HOOK1: variants seen among roughly 807,000 people sequenced by gnomAD.
HOOK1 encodes the protein protein Hook homolog 1.
In HOOK1, 60 loss-of-function variants were observed where a neutral mutation model predicts 112.8. The ratio of observed to expected loss-of-function variants is 0.53; its 90% CI spans 0.43 to 0.66. The LOEUF (loss-of-function observed/expected upper bound fraction) is 0.66. Among genes scored for constraint, HOOK1 ranks in the 30% least tolerant of loss-of-function variants. The pLI is 0.00. For synonymous variants in HOOK1, 294 were observed against 283.8 expected (o/e 1.04, Z -0.36); for missense variants, 770 against 856.0 (o/e 0.90, Z 1.25).
intron 7 of HOOK1, among the ~76,000 whole-genome samples, chr1:59,837,737 G>A (rs1271613065): frequency 6.6e-6 from 1 of 152,070 alleles, no homozygotes; most frequent in Non-Finnish European, 1.5e-5. Context: ...GGTTACATGT[G>A]CAGAACATGA....
At position 59,872,952 on chromosome 1, in the gene HOOK1, C is replaced by T. The variant is rs1392161833; in HGVS notation, c.2174C>T (p.Thr725Ile). Residue 725 changes from threonine (T) to isoleucine (I), a missense_variant, in exon 22 of 22, where the codon ACA becomes ATA. Thr to Ile is a moderately conservative substitution (Grantham distance 89, BLOSUM62 -1). Coordinates refer to ENST00000371208, the MANE Select transcript of HOOK1 (RefSeq NM_015888.6). ...AATCTCTCTGTTAAAGTCCCTGCTA[C>T]AACATCTGATTAAACTGCAAAAAAA... ...RRNLSVKVPA[T>I]TSD is the part of the protein sequence containing the mutation. 6.7e-7 allele frequency: 1 copy of T among 1,486,966 alleles called. No individual in the cohort carries two copies. The highest frequency in any genetic ancestry group is 9.0e-7 in the Non-Finnish European group (1 of 1,109,036). The allele number at this position is 1,486,966 out of a possible 1,614,324, so 92.1% of individuals were successfully genotyped here. A position where few individuals can be genotyped will look rare whatever the true frequency, so the allele number is the denominator to read the frequency against.
At chr1:59,871,842 G>T (rs1051863001) in intron 21 of HOOK1, among the ~76,000 whole-genome samples, 1 of 152,232 alleles carries the variant, frequency 6.6e-6, no homozygotes. Flanking sequence ...CCTGAAACAT[G>T]GCTCATGCTT....
At position 59,860,304 on chromosome 1, in the gene HOOK1, T is replaced by C. The variant is rs892292288; in HGVS notation, c.1508T>C (p.Met503Thr). The change falls in exon 15 of 22, where the codon ATG (methionine) becomes ACG (threonine). Residue 503 changes from methionine (M) to threonine (T), a missense_variant. Physicochemically the swap from Met to Thr is moderately conservative, Grantham distance 81. Around this residue, in one of 3 missense-constraint regions of HOOK1, gnomAD observed 655 missense variants for 725.9 expected, o/e 0.90. Transcript: ENST00000371208. ...CAGCTAGAACAGAAACACCGTAAAA[T>C]GAATGAACTGGAAACTGAGCAGAGG... ...QEQLEQKHRK[M>T]NELETEQRLS... is the part of the protein sequence containing the mutation. 1.4e-5 allele frequency: 22 copies of C among 1,607,086 alleles called. No individual in the cohort carries two copies. Among genetic ancestry groups the C allele is most frequent in the Non-Finnish European group, 1.4e-5 (17 of 1,176,444 alleles).
chr1:59,816,779 CAG>C lies in HOOK1; in HGVS notation c.63+1602_63+1603del, dbSNP rs1262717556. Among the ~76,000 whole-genome samples, 6 of 152,312 alleles carry C rather than the reference CAG, an allele frequency of 3.9e-5. No homozygotes were observed. The East Asian group carries it at 1.2e-3, about 29-fold the overall frequency. On this transcript the variant is annotated intron_variant, in intron 1 of 21. Transcript: ENST00000371208. ...CCAAATGATAAGGAATCACAGATAA[CAG>C]AGTAAAATTGGTCGTTTTCTTCAGT...
Position 59,859,003 on chromosome 1 carries a change from G to A in HOOK1, c.1349G>A (p.Ser450Asn), listed in dbSNP as rs1442427915. Reference sequence around the variant, plus strand: ...TTTTTAGATGCATCTGCTACAAAAAGTTATGAGAATCTTGCTGCTGAGATT... The same window carrying A: ...TTTTTAGATGCATCTGCTACAAAAAATTATGAGAATCTTGCTGCTGAGATT... The part of the protein sequence containing the change: ...LNQTDASATK[S>N]YENLAAEIMP... The change falls in exon 14 of 22, where the codon AGT becomes AAT. Residue 450 changes from serine to asparagine, a missense_variant. Ser to Asn is a conservative substitution (Grantham distance 46, BLOSUM62 1). Coordinates refer to ENST00000371208, the MANE Select transcript of HOOK1 (RefSeq NM_015888.6). 1.3e-5 allele frequency: 21 copies of A among 1,576,346 alleles called. No individual in the cohort carries two copies. The highest frequency in any genetic ancestry group is 1.8e-5 in the Non-Finnish European group (21 of 1,149,756).
rs957097371 is a variant in HOOK1, at chr1:59,874,039, G to T, written c.*1074G>T. ...GAGGTGTTACTTTTGAACTTTTGGG[G>T]TCATTTTTAAAAGTTAGCACTTTTG... On this transcript the variant is annotated 3_prime_UTR_variant, in exon 22 of 22. Transcript: ENST00000371208. 2.6e-5 allele frequency: 4 copies of T among 151,680 alleles called. No individual in the cohort carries two copies. Among genetic ancestry groups the T allele is most frequent in the Non-Finnish European group, 1.5e-5 (1 of 67,902 alleles). The allele number at this position is 151,680 out of a possible 1,614,324, so 9.4% of individuals were successfully genotyped here.
At position 59,874,400 on chromosome 1, in the gene HOOK1, C is replaced by T. The variant is rs1559066352; in HGVS notation, c.*1435C>T. ...GAATTGTGACATAATTAGCATCTTA[C>T]ATTCCATACAGTTGAATACCTTATG... On this transcript the variant is annotated 3_prime_UTR_variant, in exon 22 of 22. Transcript: ENST00000371208. 6.6e-6 allele frequency: 1 copy of T among 152,198 alleles called. No homozygotes were observed. The highest frequency in any genetic ancestry group is 6.5e-5 in the Admixed American group (1 of 15,290). 9.4% of individuals were successfully genotyped at this position (152,198 alleles called of 1,614,324 possible).
chr1:59,848,872 A>G (rs909162336), intron 11 of HOOK1, among the ~76,000 whole-genome samples: 1 of 151,612 alleles, frequency 6.6e-6, no homozygotes, highest in Non-Finnish European at 1.5e-5. Flanking sequence ...TTCTTTGGCA[A>G]AACTATTATT....
intron 1 of HOOK1, among the ~76,000 whole-genome samples, chr1:59,819,890 G>C (rs912497908): frequency 6.6e-6 from 1 of 152,050 alleles, no homozygotes; most frequent in African/African-American, 2.4e-5. Context: ...TTCTTATTTT[G>C]TATTTTAAAT....
chr1:59,859,161 G>T (rs1265279539), intron 14 of HOOK1, 116 bp downstream of exon 14: 4 of 354,770 alleles, frequency 1.1e-5, no homozygotes, highest in Non-Finnish European at 2.0e-5. Context: ...GAAAATTACT[G>T]TTTGATCTAC....
chr1:59,821,901 A>C lies in HOOK1; in HGVS notation c.107A>C (p.Gln36Pro), dbSNP rs775292793. Residue 36 changes from glutamine to proline, a missense_variant, in exon 2 of 22, where the codon CAG becomes CCG. Transcript: ENST00000371208. The part of the protein sequence containing the change: ...NTASPCQDVK[Q>P]LTSGVAMAQV... ...GCCTCACCTTGTCAAGATGTCAAAC[A>C]GCTGACTAGTGGAGTTGCCATGGCA... The C allele has an allele frequency of 6.2e-7, 1 of 1,609,348 alleles. No individual in the cohort carries two copies. The highest frequency in any genetic ancestry group is 1.1e-5 in the South Asian group (1 of 90,328).
intron 8 of HOOK1, 23 bp from the exon 9 acceptor site, chr1:59,843,409 A>C: frequency 6.5e-7 from 1 of 1,546,188 alleles, no homozygotes; most frequent in Non-Finnish European, 8.8e-7. Flanking sequence ...ACTGGTGCTT[A>C]TGTATGTGTA....
At chr1:59,849,722 A>G (rs538559679) in intron 12 of HOOK1, among the ~76,000 whole-genome samples, 1 of 151,726 alleles carries the variant, frequency 6.6e-6, no homozygotes, top group African/African-American at 2.4e-5. Context: ...TTTCTGCAAT[A>G]TGTAATCATA....
rs752743241 is a variant in HOOK1, at chr1:59,848,350, C to G, written c.965C>G (p.Thr322Arg). 1 of 1,610,958 alleles carries G rather than the reference C, an allele frequency of 6.2e-7. No individual in the cohort carries two copies. Among genetic ancestry groups the G allele is most frequent in the South Asian group, 1.1e-5 (1 of 90,950 alleles). Residue 322 changes from threonine to arginine, a missense_variant, in exon 11 of 22, where the codon ACA (threonine) becomes AGA (arginine). Physicochemically the swap from Thr to Arg is moderately conservative, Grantham distance 71. Transcript: ENST00000371208. ...TSDKANKLES[T>R]VEIYRQKLQD... ...GATAAAGCAAATAAACTGGAGTCAACAGTTGAGATATATCGTCAGAAGCTA... is the reference window on the plus strand; with the variant it reads ...GATAAAGCAAATAAACTGGAGTCAAGAGTTGAGATATATCGTCAGAAGCTA...
intron 18 of HOOK1, among the ~76,000 whole-genome samples, chr1:59,865,613 TAGAA>T (rs1337755414): frequency 5.3e-5 from 8 of 152,066 alleles, no homozygotes; most frequent in Non-Finnish European, 8.8e-5. Flanking sequence ...TTATACTTGA[TAGAA>T]AGGAGAAAAA....
intron 21 of HOOK1, among the ~76,000 whole-genome samples, chr1:59,871,556 A>AT (rs574591203): frequency 3.5e-4 from 53 of 151,884 alleles, no homozygotes; most frequent in South Asian, 1.0e-3. Context: ...TTATTACTTT[A>AT]TTTTTTTTAT....
chr1:59,867,308 G>A (rs1380071785), intron 19 of HOOK1, among the ~76,000 whole-genome samples: 1 of 151,982 alleles, frequency 6.6e-6, no homozygotes, highest in Non-Finnish European at 1.5e-5. Flanking sequence ...TGCTTTTATG[G>A]TGTGCATTCC....
Position 59,848,526 on chromosome 1 carries a change from A to C in HOOK1, c.1131+10A>C. 6.3e-7 allele frequency: 1 copy of C among 1,579,236 alleles called. No individual in the cohort carries two copies. Among genetic ancestry groups the C allele is most frequent in the Non-Finnish European group, 8.7e-7 (1 of 1,153,428 alleles). The stretch of plus-strand genomic sequence containing the variant: ...AACATACAAAAGGCAGGTAAGAAAC[A>C]TCTTAATTTTTAATTGATAAAATTG... On this transcript the variant is annotated intron_variant, in intron 11 of 21. Transcript: ENST00000371208.
At chr1:59,826,361 G>A (rs2098389953) in intron 2 of HOOK1, among the ~76,000 whole-genome samples, 1 of 151,904 alleles carries the variant, frequency 6.6e-6, no homozygotes, top group South Asian at 2.1e-4. Flanking sequence ...AAAAAGAGAT[G>A]CCCTGAGATT....
Sources: gnomAD v4.1 joint callset for allele counts (sites outside exome capture counted in the v4.1 genomes callset) on GRCh38, gnomAD v4.1.1 for gene constraint, gnomAD v4.1.1 regional missense constraint, MANE v1.5 for transcripts, NCBI Gene and HGNC (gene_info 2026-07-23, HGNC 2026-07-21) for gene names.